The following CDH12 variants were observed in gnomAD, a reference collection of about 807,000 sequenced individuals.
CDH12 encodes cadherin 12, also known as cadherin-12.
A neutral mutation model predicts 74.1 loss-of-function variants in CDH12; 41 were observed. The observed-to-expected ratio is 0.55, with a 90% CI of 0.43 to 0.72. The LOEUF is 0.72. CDH12 is among the 30% of genes least tolerant of loss of function. The pLI, the probability that CDH12 is intolerant of heterozygous loss-of-function variation, is 0.00. For synonymous variants in CDH12, 399 were observed against 355.0 expected (o/e 1.12, Z -1.39); for missense variants, 945 against 977.2 (o/e 0.97, Z 0.44).
intron 1 of CDH12, among the ~76,000 whole-genome samples, chr5:22,691,048 T>C (rs986316197): frequency 6.6e-6 from 1 of 152,224 alleles, no homozygotes; most frequent in Non-Finnish European, 1.5e-5. Context: ...AGCATTTACC[T>C]ATGTTTTTTA....
chr5:22,298,874 C>T (rs1326344753), intron 3 of CDH12, among the ~76,000 whole-genome samples: 1 of 152,182 alleles, frequency 6.6e-6, no homozygotes, highest in Non-Finnish European at 1.5e-5. Flanking sequence ...TTTTCCACTT[C>T]CTCTTGACTC....
intron 1 of CDH12, among the ~76,000 whole-genome samples, chr5:22,664,708 A>G (rs1298584736): frequency 6.6e-6 from 1 of 152,176 alleles, no homozygotes; most frequent in Non-Finnish European, 1.5e-5. Flanking sequence ...TAACTACGTA[A>G]GGTTGTTATA....
At chr5:22,417,072 A>C (rs1037256147) in intron 2 of CDH12, among the ~76,000 whole-genome samples, 2 of 152,150 alleles carry the variant, frequency 1.3e-5, no homozygotes, top group South Asian at 2.1e-4. Flanking sequence ...TGATTCTTTT[A>C]TCTCTCTTAT....
At chr5:22,481,413 G>C (rs1329856151) in intron 2 of CDH12, among the ~76,000 whole-genome samples, 2 of 152,176 alleles carry the variant, frequency 1.3e-5, no homozygotes, top group South Asian at 2.1e-4. Flanking sequence ...GTTCATGGCA[G>C]CATAAGACAT....
At chr5:22,237,019 G>T (rs1272341581) in intron 3 of CDH12, among the ~76,000 whole-genome samples, 1 of 151,734 alleles carries the variant, frequency 6.6e-6, no homozygotes, top group East Asian at 1.9e-4. Context: ...GTATAGTATA[G>T]TAAATATATA....
chr5:22,109,824 A>G (rs1744704427), intron 4 of CDH12, among the ~76,000 whole-genome samples: 2 of 152,214 alleles, frequency 1.3e-5, no homozygotes, highest in Admixed American at 6.5e-5. Flanking sequence ...TTCAATTGAC[A>G]TAAGACAGAT....
chr5:22,327,054 C>A (rs922710906), intron 3 of CDH12, among the ~76,000 whole-genome samples: 5 of 151,804 alleles, frequency 3.3e-5, no homozygotes, highest in Non-Finnish European at 7.4e-5. Context: ...TTTCATAGTG[C>A]TTATTTCTCA....
intron 1 of CDH12, among the ~76,000 whole-genome samples, chr5:22,759,719 A>T (rs1746108841): frequency 6.6e-6 from 1 of 152,196 alleles, no homozygotes; most frequent in African/African-American, 2.4e-5. Flanking sequence ...GTGTTATCCC[A>T]CTATTAGAGT....
In CDH12 at chr5:22,128,412, GT is replaced by G. The variant is rs546052177; in HGVS notation, c.-186-49551del. Reference sequence around the variant, plus strand: ...AATCCTAAGAGAAAAAGTCCAGCTAGTTTTTTTTTTCTTTTTTGTTACCTGC... The same window carrying G: ...AATCCTAAGAGAAAAAGTCCAGCTAGTTTTTTTTTCTTTTTTGTTACCTGC... On this transcript the variant is annotated intron_variant, in intron 4 of 14. Coordinates refer to ENST00000382254, the MANE Select transcript of CDH12 (RefSeq NM_004061.5). Among the ~76,000 whole-genome samples the G allele has an allele frequency of 2.6e-3, 393 of 149,736 alleles. 6 individuals carry two copies. Among genetic ancestry groups the G allele is most frequent in the African/African-American group, 8.1e-3 (332 of 40,768 alleles).
intron 11 of CDH12, among the ~76,000 whole-genome samples, chr5:21,773,248 G>C (rs1745416703): frequency 6.6e-6 from 1 of 152,120 alleles, no homozygotes; most frequent in African/African-American, 2.4e-5. Flanking sequence ...TGATTGGATT[G>C]AAGGATTCAA....
intron 1 of CDH12, among the ~76,000 whole-genome samples, chr5:22,559,496 T>G (rs887897345): frequency 1.3e-5 from 2 of 152,074 alleles, no homozygotes; most frequent in African/African-American, 4.8e-5. Context: ...TACAAAATTA[T>G]GTAAGCCATT....
chr5:22,242,097 T>C (rs761894926), intron 3 of CDH12, among the ~76,000 whole-genome samples: 15 of 152,146 alleles, frequency 9.9e-5, no homozygotes, highest in Non-Finnish European at 1.9e-4. Context: ...TACGTTTTAT[T>C]TGTATTCACT....
intron 3 of CDH12, among the ~76,000 whole-genome samples, chr5:22,266,923 G>T (rs1170701558): frequency 6.6e-6 from 1 of 152,058 alleles, no homozygotes; most frequent in Non-Finnish European, 1.5e-5. Flanking sequence ...TTATATTTTA[G>T]AGTGTTTCTG....
chr5:22,195,890 T>C (rs1750588954), intron 4 of CDH12, among the ~76,000 whole-genome samples: 1 of 152,188 alleles, frequency 6.6e-6, no homozygotes, highest in African/African-American at 2.4e-5. Flanking sequence ...CCTCCCTCTC[T>C]TTCTTTCTCT....
chr5:22,028,959 A>G (rs1396763149), intron 5 of CDH12, among the ~76,000 whole-genome samples: 1 of 152,186 alleles, frequency 6.6e-6, no homozygotes, highest in Non-Finnish European at 1.5e-5. Context: ...ATAACGCCAC[A>G]TATCTACAGC....
intron 4 of CDH12, among the ~76,000 whole-genome samples, chr5:22,112,775 T>C (rs1744886444): frequency 6.6e-6 from 1 of 152,206 alleles, no homozygotes; most frequent in Non-Finnish European, 1.5e-5. Flanking sequence ...TAAAAATCCC[T>C]GCACATGATT....
At chr5:22,187,442 A>C (rs1580375118) in intron 4 of CDH12, among the ~76,000 whole-genome samples, 1 of 151,998 alleles carries the variant, frequency 6.6e-6, no homozygotes, top group Non-Finnish European at 1.5e-5. Flanking sequence ...CATGCCTCTC[A>C]TATTTCTTGG....
At chr5:21,874,210 A>C (rs961557091) in intron 6 of CDH12, among the ~76,000 whole-genome samples, 14 of 152,238 alleles carry the variant, frequency 9.2e-5, no homozygotes, top group Non-Finnish European at 1.6e-4. Context: ...TGGTCAAAGG[A>C]CATAAACAGA....
intron 2 of CDH12, among the ~76,000 whole-genome samples, chr5:22,406,734 T>C: frequency 6.6e-6 from 1 of 152,040 alleles, no homozygotes. Flanking sequence ...TACAGATAAA[T>C]TTCATTATCT....
Sources: gnomAD v4.1 joint callset for allele counts (sites outside exome capture counted in the v4.1 genomes callset) on GRCh38, gnomAD v4.1.1 for gene constraint, MANE v1.5 for transcripts, NCBI Gene and HGNC (gene_info 2026-07-23, HGNC 2026-07-21) for gene names.